KCNK10: variants seen among roughly 807,000 people sequenced by gnomAD.
KCNK10 encodes the protein potassium two pore domain channel subfamily K member 10.
KCNK10 carries 25 observed loss-of-function variants against 47.7 expected under a neutral mutation model. The ratio of observed to expected loss-of-function variants is 0.52; its 90% CI spans 0.38 to 0.73. The LOEUF (loss-of-function observed/expected upper bound fraction) is 0.73. Among genes scored for constraint, KCNK10 ranks in the 30% least tolerant of loss-of-function variants. The pLI, the probability that KCNK10 is intolerant of heterozygous loss-of-function variation, is 0.00. For synonymous variants in KCNK10, 303 were observed against 285.6 expected (o/e 1.06, Z -0.61); for missense variants, 563 against 714.5 (o/e 0.79, Z 2.42).
At chr14:88,213,921 T>TTATTATTATTA (rs1885535542) in intron 4 of KCNK10, among the ~76,000 whole-genome samples, 1 of 126,410 alleles carries the variant, frequency 7.9e-6, no homozygotes, top group African/African-American at 2.7e-5. Flanking sequence ...TTTATTTTAC[T>TTATTATTATTA]TTATTATTAT....
At chr14:88,222,814 G>A (rs1298836242) in intron 4 of KCNK10, among the ~76,000 whole-genome samples, 6 of 152,198 alleles carry the variant, frequency 3.9e-5, no homozygotes, top group Non-Finnish European at 8.8e-5. Flanking sequence ...CAATGTGAGT[G>A]ACAAGTCTGA....
At chr14:88,266,293 T>G (rs1887252430) in intron 1 of KCNK10, among the ~76,000 whole-genome samples, 1 of 152,236 alleles carries the variant, frequency 6.6e-6, no homozygotes, top group Admixed American at 6.5e-5. Context: ...AAGCAGGTCC[T>G]CAAACACAGC....
At chr14:88,297,099 GT>G (rs1888001159) in intron 1 of KCNK10, among the ~76,000 whole-genome samples, 1 of 152,144 alleles carries the variant, frequency 6.6e-6, no homozygotes, top group Non-Finnish European at 1.5e-5. Context: ...TCTTGTTCCA[GT>G]TTATCGGAGT....
upstream of KCNK10, among the ~76,000 whole-genome samples, chr14:88,325,626 C>T (rs1205632756): frequency 6.6e-6 from 1 of 152,144 alleles, no homozygotes; most frequent in African/African-American, 2.4e-5. Flanking sequence ...TGACCCTGAA[C>T]CTGTCCCATG....
intron 4 of KCNK10, among the ~76,000 whole-genome samples, chr14:88,219,754 G>A (rs1029891859): frequency 3.9e-5 from 6 of 152,154 alleles, no homozygotes; most frequent in African/African-American, 1.4e-4. Flanking sequence ...TGGACAGCTT[G>A]GTAAACACAG....
chr14:88,195,024 T>A (rs1884868367), intron 4 of KCNK10, among the ~76,000 whole-genome samples: 3 of 90,030 alleles, frequency 3.3e-5, no homozygotes, highest in Admixed American at 1.9e-4. Flanking sequence ...CCTCTAGGTA[T>A]TTAAAAAAAA....
intron 1 of KCNK10, among the ~76,000 whole-genome samples, chr14:88,303,451 G>C (rs1490289944): frequency 6.6e-6 from 1 of 152,082 alleles, no homozygotes; most frequent in African/African-American, 2.4e-5. Flanking sequence ...AGTAGTGATG[G>C]TGACTTCAGA....
At chr14:88,324,552 A>G (rs1888623430), upstream of KCNK10, among the ~76,000 whole-genome samples, 1 of 152,318 alleles carries the variant, frequency 6.6e-6, no homozygotes, top group African/African-American at 2.4e-5. Context: ...TCCAAGTGCC[A>G]TCACTGTGCT....
chr14:88,325,262 G>T (rs1477240834), upstream of KCNK10, among the ~76,000 whole-genome samples: 1 of 152,152 alleles, frequency 6.6e-6, no homozygotes, highest in East Asian at 1.9e-4. Flanking sequence ...CGGACAGCTG[G>T]ACTCTAGCAC....
intron 1 of KCNK10, among the ~76,000 whole-genome samples, chr14:88,308,687 G>A (rs1167437157): frequency 6.6e-6 from 1 of 152,140 alleles, no homozygotes; most frequent in Non-Finnish European, 1.5e-5. Flanking sequence ...CATCATCATG[G>A]GAGAGACACA....
rs142572968 is a variant in KCNK10, at chr14:88,260,745, C to T, written c.402+2457G>A. Among the ~76,000 whole-genome samples the T allele has an allele frequency of 6.6e-6, 1 of 152,310 alleles. No homozygotes were observed. The highest frequency in any genetic ancestry group is 1.9e-4 in the East Asian group (1 of 5,184). On this transcript the variant is annotated intron_variant, in intron 2 of 6. Coordinates refer to ENST00000319231, the MANE Select transcript of KCNK10 (RefSeq NM_138317.3). This position sits in a 1 kb window ranked among gnomAD's most constrained non-coding sequence, Gnocchi z 4.5. ...GAGATAATGGGTATATGATGCCCAGCTCATAACAGATGCCTAATAAAGAGC... is the reference window on the plus strand; with the variant it reads ...GAGATAATGGGTATATGATGCCCAGTTCATAACAGATGCCTAATAAAGAGC...
chr14:88,312,307 A>T (rs1468477559), intron 1 of KCNK10, among the ~76,000 whole-genome samples: 1 of 145,980 alleles, frequency 6.9e-6, no homozygotes, highest in African/African-American at 2.6e-5. Context: ...CAGAAAAAGC[A>T]ACAAGATTGT....
At chr14:88,200,368 T>C (rs751970319) in intron 4 of KCNK10, among the ~76,000 whole-genome samples, 1 of 152,060 alleles carries the variant, frequency 6.6e-6, no homozygotes, top group African/African-American at 2.4e-5. Context: ...AGAAAAAAAT[T>C]GGGGTACAGA....
chr14:88,203,674 GT>G (rs1408876202), intron 4 of KCNK10, among the ~76,000 whole-genome samples: 2 of 152,220 alleles, frequency 1.3e-5, no homozygotes, highest in African/African-American at 4.8e-5. Context: ...GGGGAGAGTG[GT>G]GTCCGTCTCC....
At chr14:88,212,700 G>A (rs1460923194) in intron 4 of KCNK10, among the ~76,000 whole-genome samples, 1 of 152,176 alleles carries the variant, frequency 6.6e-6, no homozygotes, top group Non-Finnish European at 1.5e-5. Flanking sequence ...TCTATGAGCA[G>A]GAGCCTAAAA....
At chr14:88,253,582 GA>G (rs1886858564) in intron 2 of KCNK10, among the ~76,000 whole-genome samples, 1 of 151,946 alleles carries the variant, frequency 6.6e-6, no homozygotes, top group African/African-American at 2.4e-5. Context: ...CAAAGTATCT[GA>G]AACTCTATTT....
Position 88,323,055 on chromosome 14 carries a change from T to G in KCNK10, c.-257A>C. On this transcript the variant is annotated 5_prime_UTR_variant, in exon 1 of 7. Coordinates refer to ENST00000319231, the MANE Select transcript of KCNK10 (RefSeq NM_138317.3). ...CCCGTGGGTAAAAGAAAAAGTAAGA[T>G]CGGCGAGGGGTGGATGAAAGGATGG... The G allele has an allele frequency of 7.7e-7, 1 of 1,296,592 alleles. No individual in the cohort carries two copies. Among genetic ancestry groups the G allele is most frequent in the Non-Finnish European group, 9.8e-7 (1 of 1,016,504 alleles). The allele number at this position is 1,296,592 out of a possible 1,614,324, so 80.3% of individuals were successfully genotyped here.
intron 2 of KCNK10, among the ~76,000 whole-genome samples, chr14:88,245,809 G>A (rs920080496): frequency 6.6e-6 from 1 of 152,206 alleles, no homozygotes; most frequent in African/African-American, 2.4e-5. Context: ...GTCCAAAGCA[G>A]GGAACTTGCA....
intron 1 of KCNK10, among the ~76,000 whole-genome samples, chr14:88,289,283 A>G (rs1217358359): frequency 6.6e-6 from 1 of 152,172 alleles, no homozygotes; most frequent in African/African-American, 2.4e-5. Context: ...TTTTCTATTA[A>G]TCATGAAAGA....
Sources: allele counts gnomAD v4.1 joint callset (sites outside exome capture counted in the v4.1 genomes callset), GRCh38; gene constraint gnomAD v4.1.1; non-coding constraint Gnocchi (gnomAD v3.1); transcripts MANE v1.5; gene names NCBI Gene and HGNC (gene_info 2026-07-23, HGNC 2026-07-21).